SYT14: variants seen among roughly 807,000 people sequenced by gnomAD.
SYT14 encodes synaptotagmin 14.
A neutral mutation model predicts 74.2 loss-of-function variants in SYT14; 32 were observed. That is an observed-to-expected ratio of 0.43 (90% CI 0.33 to 0.58). SYT14 has a LOEUF of 0.58. Ranked by LOEUF, SYT14 falls within the 20% of genes least tolerant of loss-of-function variation. The pLI, the probability that SYT14 is intolerant of heterozygous loss-of-function variation, is 0.05. For synonymous variants in SYT14, 298 were observed against 337.7 expected, an observed-to-expected ratio of 0.88 and a Z score of 1.29; for missense variants, 791 against 981.8, an observed-to-expected ratio of 0.81 and a Z score of 2.60.
chr1:209,965,722 A>G (rs1423350467), intron 2 of SYT14, among the ~76,000 whole-genome samples: 1 of 152,090 alleles, frequency 6.6e-6, no homozygotes, highest in Non-Finnish European at 1.5e-5. Flanking sequence ...GTTAGTTTTT[A>G]TGTATGATGT....
intron 5 of SYT14, 68 bp from the exon 5 acceptor site, chr1:210,094,254 A>G (rs2081928624): frequency 6.2e-7 from 1 of 1,606,424 alleles, no homozygotes; most frequent in Non-Finnish European, 8.5e-7. Flanking sequence ...GTTATTTACA[A>G]TTATTGTAGA....
chr1:210,169,863 A>G (rs534998557), exon 10 of SYT14: 8 of 152,242 alleles, frequency 5.3e-5, no homozygotes, highest in Admixed American at 2.0e-4. Context: ...TCTCAAAATA[A>G]TGAAATTTTT....
In SYT14 at chr1:209,978,201, A is replaced by G. The variant is rs190182896; in HGVS notation, c.-486+25445A>G. On this transcript the variant is annotated intron_variant, in intron 2 of 9. Transcript: ENST00000637265. ...TGATCGTCTGAAGCCTTCTTCTCTC[A>G]ACTCATCGAAGTCATTCTCCGTCCA... is the stretch of plus-strand genomic sequence containing the variant. 4.3e-3 allele frequency among the ~76,000 whole-genome samples: 656 copies of G among 152,212 alleles called. 24 individuals are homozygous for G. The highest frequency in any genetic ancestry group is 0.035 in the Admixed American group (531 of 15,284).
At chr1:210,142,434 A>G (rs1200884169) in intron 7 of SYT14, among the ~76,000 whole-genome samples, 1 of 152,096 alleles carries the variant, frequency 6.6e-6, no homozygotes, top group Non-Finnish European at 1.5e-5. Context: ...GCTTTTATAG[A>G]GGAGCAGACT....
At chr1:210,014,090 A>G (rs928268276) in intron 3 of SYT14, among the ~76,000 whole-genome samples, 2 of 152,132 alleles carry the variant, frequency 1.3e-5, no homozygotes, top group Admixed American at 1.3e-4. Context: ...AGGAAGAAGG[A>G]GGTATCTTGT....
At chr1:209,943,776 T>G (rs919270997) in intron 1 of SYT14, among the ~76,000 whole-genome samples, 8 of 152,146 alleles carry the variant, frequency 5.3e-5, no homozygotes, top group African/African-American at 1.9e-4. Context: ...TACTACCTAA[T>G]ATGAAAGTGC....
At chr1:210,100,216 A>T in exon 7 of SYT14, 5 of 1,614,086 alleles carry the variant, frequency 3.1e-6, no homozygotes, top group Non-Finnish European at 3.4e-6. Flanking sequence ...TCTTCTACCT[A>T]TAAAGAAACA....
chr1:210,090,790 A>G (rs2102514208), intron 5 of SYT14, among the ~76,000 whole-genome samples: 1 of 152,218 alleles, frequency 6.6e-6, no homozygotes, highest in African/African-American at 2.4e-5. Context: ...AATTTTTCTT[A>G]TATCAATTAC....
At chr1:209,993,902 C>A (rs1359728559) in intron 2 of SYT14, among the ~76,000 whole-genome samples, 1 of 152,136 alleles carries the variant, frequency 6.6e-6, no homozygotes, top group East Asian at 1.9e-4. Flanking sequence ...AACTGCAACA[C>A]CAAAAATCTG....
At chr1:210,055,594 A>G (rs1423059784) in intron 5 of SYT14, among the ~76,000 whole-genome samples, 3 of 151,916 alleles carry the variant, frequency 2.0e-5, no homozygotes, top group Non-Finnish European at 2.9e-5. Flanking sequence ...AGTCAGGAAG[A>G]TTCCTTGAAG....
At chr1:210,146,626 A>G (rs796623421) in intron 7 of SYT14, among the ~76,000 whole-genome samples, 7 of 151,996 alleles carry the variant, frequency 4.6e-5, no homozygotes, top group African/African-American at 1.7e-4. Context: ...TGAAATTTTC[A>G]GAAATGTGAT....
intron 5 of SYT14, among the ~76,000 whole-genome samples, chr1:210,073,812 C>T (rs1180780923): frequency 6.6e-6 from 1 of 151,970 alleles, no homozygotes; most frequent in East Asian, 1.9e-4. Context: ...TATGTATATA[C>T]ACATTCAACA....
intron 1 of SYT14, among the ~76,000 whole-genome samples, chr1:209,941,956 T>A (rs1363259620): frequency 6.6e-6 from 1 of 152,186 alleles, no homozygotes; most frequent in Non-Finnish European, 1.5e-5. Context: ...CCTACTATAA[T>A]GTAAATGCTA....
At chr1:210,128,346 T>C (rs925748256) in intron 7 of SYT14, among the ~76,000 whole-genome samples, 2 of 151,088 alleles carry the variant, frequency 1.3e-5, no homozygotes, top group African/African-American at 4.9e-5. Context: ...CATTGTACTC[T>C]AGTCTGGGTG....
intron 2 of SYT14, among the ~76,000 whole-genome samples, chr1:209,990,224 G>A (rs1403829760): frequency 2.0e-5 from 3 of 151,816 alleles, no homozygotes; most frequent in African/African-American, 7.3e-5. Flanking sequence ...TTAGAATATT[G>A]TATTAGATTG....
intron 2 of SYT14, among the ~76,000 whole-genome samples, chr1:209,968,227 T>C (rs549398446): frequency 2.6e-5 from 4 of 152,174 alleles, no homozygotes; most frequent in Non-Finnish European, 5.9e-5. Context: ...CATTGAGTGC[T>C]ATGCATAGTC....
intron 1 of SYT14, among the ~76,000 whole-genome samples, chr1:209,940,825 T>C (rs1333242954): frequency 6.6e-6 from 1 of 152,222 alleles, no homozygotes; most frequent in African/African-American, 2.4e-5. Context: ...AAATTTGGAA[T>C]ATAGTAGTGG....
chr1:210,144,494 G>A (rs1446196391), intron 7 of SYT14, among the ~76,000 whole-genome samples: 1 of 151,756 alleles, frequency 6.6e-6, no homozygotes, highest in Non-Finnish European at 1.5e-5. Flanking sequence ...CTTTCCTTAC[G>A]AGTACACTAT....
chr1:210,122,064 G>A (rs1362323412), intron 7 of SYT14, among the ~76,000 whole-genome samples: 4 of 18,974 alleles, frequency 2.1e-4, no homozygotes, highest in Non-Finnish European at 3.2e-4. Flanking sequence ...TGCAAGCTCC[G>A]CCTCCCGGGT....
Sources: allele counts gnomAD v4.1 joint callset (sites outside exome capture counted in the v4.1 genomes callset), GRCh38; gene constraint gnomAD v4.1.1; transcripts MANE v1.5; gene names NCBI Gene and HGNC (gene_info 2026-07-23, HGNC 2026-07-21).